AOX1: variants seen among roughly 807,000 people sequenced by gnomAD.
AOX1 encodes the protein aldehyde oxidase 1.
Under a neutral mutation model 169.5 loss-of-function variants are expected in AOX1, and 153 were observed. That is an observed-to-expected ratio of 0.90 (90% confidence interval 0.79 to 1.03). AOX1 has a LOEUF of 1.03. Ranked by LOEUF, AOX1 falls within the 50% of genes least tolerant of loss-of-function variation. AOX1 has a pLI of 0.00. For synonymous variants in AOX1, 562 were observed against 581.9 expected (o/e 0.97, Z 0.49); for missense variants, 1,656 against 1,663.9 (o/e 1.00, Z 0.08).
At chr2:200,589,548 A>G (rs891846254) in intron 1 of AOX1, among the ~76,000 whole-genome samples, 4 of 152,162 alleles carry the variant, frequency 2.6e-5, no homozygotes, top group Non-Finnish European at 5.9e-5. Flanking sequence ...CTTTTGCAAA[A>G]TGGAGCTAAT....
chr2:200,609,148 T>C lies in AOX1; in HGVS notation c.1059+13T>C, dbSNP rs745703251. ...CAGGAACATGGCTGTATGTATCTGA[T>C]GACAGTAAACTCTGGTATGCATCCC... On this transcript the variant is annotated intron_variant, in intron 11 of 34. Transcript: ENST00000374700. 2.7e-5 allele frequency: 44 copies of C among 1,613,518 alleles called. No individual in the cohort carries two copies. Among genetic ancestry groups the C allele is most frequent in the Non-Finnish European group, 3.6e-5 (43 of 1,179,862 alleles).
At chr2:200,620,250 G>A (rs948608734) in intron 16 of AOX1, among the ~76,000 whole-genome samples, 4 of 150,790 alleles carry the variant, frequency 2.7e-5, no homozygotes, top group Non-Finnish European at 5.9e-5. Context: ...CCAGGCCGGG[G>A]TGCAGTGCTG....
At chr2:200,646,634 C>T (rs755247432) in intron 25 of AOX1, among the ~76,000 whole-genome samples, 2 of 152,100 alleles carry the variant, frequency 1.3e-5, no homozygotes, top group Non-Finnish European at 2.9e-5. Flanking sequence ...GTCTTGATGA[C>T]CTATCTAGTC....
In AOX1 at chr2:200,624,398, G is replaced by A. The variant is rs776841433; in HGVS notation, c.2124+415G>A. ...AGCTGTTGGTTACTTCTAGGGGTAG[G>A]AGTTGGGGTCAGGTTTCTCTGAAGT... is the stretch of plus-strand genomic sequence containing the variant. On this transcript the variant is annotated intron_variant, in intron 19 of 34. Transcript: ENST00000374700. Among the ~76,000 whole-genome samples, 26 of 152,332 alleles carry A rather than the reference G, an allele frequency of 1.7e-4. No homozygotes were observed. The South Asian group carries it at 2.7e-3, about 16-fold the overall frequency.
chr2:200,609,713 A>G (rs10497866), intron 12 of AOX1, among the ~76,000 whole-genome samples: 113,749 of 152,124 alleles, frequency 0.75, 42,662 homozygotes, highest in East Asian at 0.81. Context: ...GGAACTACAT[A>G]CTATTGAGAA....
At position 200,623,988 on chromosome 2, in the gene AOX1, T is replaced by C. The variant is rs1261196498; in HGVS notation, c.2124+5T>C. The C allele has an allele frequency of 6.2e-7, 1 of 1,613,786 alleles. No homozygotes were observed. The highest frequency in any genetic ancestry group is 1.7e-5 in the Admixed American group (1 of 60,020). On this transcript the variant is annotated splice_donor_5th_base_variant and intron_variant, in intron 19 of 34. Coordinates refer to ENST00000374700, the MANE Select transcript of AOX1 (RefSeq NM_001159.4). ...CCGCTGATACTAACAATTGAGGTAA[T>C]GAGTTCTGTGGAATGGTGGTGCCAG...
chr2:200,644,287 A>C (rs1395821930), intron 25 of AOX1, among the ~76,000 whole-genome samples: 1 of 152,194 alleles, frequency 6.6e-6, no homozygotes, highest in African/African-American at 2.4e-5. Flanking sequence ...ACATGTGGCT[A>C]GCCATCCTAG....
At chr2:200,596,576 A>C (rs1390462534) in intron 3 of AOX1, among the ~76,000 whole-genome samples, 2 of 152,126 alleles carry the variant, frequency 1.3e-5, no homozygotes, top group African/African-American at 4.8e-5. Flanking sequence ...TTTGTATTTG[A>C]ATCTGTTGTT....
In AOX1 at chr2:200,595,316, G is replaced by A. The variant is rs368777501; in HGVS notation, c.148G>A (p.Gly50Ser). The change falls in exon 3 of 35, where the codon GGT (glycine) becomes AGT (serine). Residue 50 changes from glycine (G) to serine (S), a missense_variant. Physicochemically the swap from Gly to Ser is moderately conservative, Grantham distance 56. Coordinates refer to ENST00000374700, the MANE Select transcript of AOX1 (RefSeq NM_001159.4). ...GTATGGCTGTGGAGGAGGAGGCTGTGGTGCTTGTACAGTGATGATATCACG... is the reference window on the plus strand; with the variant it reads ...GTATGGCTGTGGAGGAGGAGGCTGTAGTGCTTGTACAGTGATGATATCACG... The part of the protein sequence containing the change: ...TKYGCGGGGC[G>S]ACTVMISRYN... The A allele has an allele frequency of 2.5e-6, 4 of 1,613,060 alleles. No homozygotes were observed.
chr2:200,655,739 CA>C (rs2035669291), intron 26 of AOX1, among the ~76,000 whole-genome samples: 2 of 152,158 alleles, frequency 1.3e-5, no homozygotes, highest in South Asian at 4.2e-4. Flanking sequence ...CCTTTGGATA[CA>C]AATAAAGAGA....
downstream of AOX1, chr2:200,678,523 A>C (rs1389267676): frequency 6.6e-6 from 1 of 152,226 alleles, no homozygotes; most frequent in Non-Finnish European, 1.5e-5. Flanking sequence ...ATGTTTAATC[A>C]AGCCAAGGAA....
At chr2:200,602,250 A>C (rs943413767) in intron 5 of AOX1, 34 bp from the exon 6 acceptor site, 1 of 1,602,760 alleles carries the variant, frequency 6.2e-7, no homozygotes, top group Non-Finnish European at 8.5e-7. Flanking sequence ...TATCTGGGTC[A>C]CTTGGCTAAC....
intron 4 of AOX1, among the ~76,000 whole-genome samples, chr2:200,598,121 G>C (rs376980972): frequency 6.6e-6 from 1 of 150,644 alleles, no homozygotes; most frequent in African/African-American, 2.4e-5. Context: ...AAGAGAAGGA[G>C]AAAAAGAGGG....
chr2:200,659,786 T>TCACACACACACACACACACA (rs56916091), intron 28 of AOX1, among the ~76,000 whole-genome samples: 2 of 96,104 alleles, frequency 2.1e-5, no homozygotes, highest in African/African-American at 7.5e-5. Context: ...GTTCTCTCTC[T>TCACACACACACACACACACA]CACACACACA....
chr2:200,630,886 T>C (rs2035111752), intron 20 of AOX1, among the ~76,000 whole-genome samples: 1 of 152,066 alleles, frequency 6.6e-6, no homozygotes, highest in African/African-American at 2.4e-5. Context: ...GAAGAATAGC[T>C]AATGCATGCT....
intron 26 of AOX1, among the ~76,000 whole-genome samples, chr2:200,655,875 A>G (rs2540069): frequency 0.61 from 92,596 of 152,018 alleles, 28,929 homozygotes; most frequent in Non-Finnish European, 0.68. Flanking sequence ...CAGTTCCATC[A>G]ACCTTCACTT....
At chr2:200,610,814 T>A (rs1574918986) in intron 12 of AOX1, among the ~76,000 whole-genome samples, 1 of 152,334 alleles carries the variant, frequency 6.6e-6, no homozygotes, top group East Asian at 1.9e-4. Flanking sequence ...TCTGGGCTAC[T>A]CTGTGAGATC....
chr2:200,669,478 A>T, intron 33 of AOX1, 97 bp from the exon 34 acceptor site: 1 of 1,302,822 alleles, frequency 7.7e-7, no homozygotes, highest in Non-Finnish European at 1.1e-6. Flanking sequence ...CATATGTAGT[A>T]CGTAATATTT....
In AOX1 at chr2:200,647,874, T is replaced by C. The variant is rs2035491564; in HGVS notation, c.2848-3100T>C. 2.0e-5 allele frequency among the ~76,000 whole-genome samples: 3 copies of C among 152,196 alleles called. No individual in the cohort carries two copies. In the South Asian group the frequency reaches 6.2e-4, roughly 31 times the overall value. On this transcript the variant is annotated intron_variant, in intron 25 of 34. Coordinates refer to ENST00000374700, the MANE Select transcript of AOX1 (RefSeq NM_001159.4). ...TTTCTTTCTTCTACTTGTTTAATTC[T>C]ACTACTGAGACTTTCCAGAGCATTT...
Sources: gnomAD v4.1 joint callset for allele counts (sites outside exome capture counted in the v4.1 genomes callset) on GRCh38, gnomAD v4.1.1 for gene constraint, MANE v1.5 for transcripts, NCBI Gene and HGNC (gene_info 2026-07-23, HGNC 2026-07-21) for gene names.